Variants in ABCC10 observed in about 807,000 individuals in gnomAD.
ABCC10 encodes the protein ATP-binding cassette sub-family C member 10.
Under a neutral mutation model 143.2 loss-of-function variants are expected in ABCC10, and 110 were observed. That is an observed-to-expected ratio of 0.77 (90% confidence interval 0.66 to 0.90). ABCC10 has a LOEUF of 0.90. ABCC10 is among the 40% of genes least tolerant of loss of function. The pLI, the probability that ABCC10 is intolerant of heterozygous loss-of-function variation, is 0.00. For synonymous variants in ABCC10, 805 were observed against 846.7 expected, an observed-to-expected ratio of 0.95 and a Z score of 0.85; for missense variants, 1,700 against 1,900.5, an observed-to-expected ratio of 0.89 and a Z score of 1.96.
chr6:43,432,469 A>T lies in ABCC10; in HGVS notation c.489A>T (p.Pro163=). The T allele has an allele frequency of 6.2e-7, 1 of 1,611,440 alleles. No homozygotes were observed. The highest frequency in any genetic ancestry group is 8.5e-7 in the Non-Finnish European group (1 of 1,179,930). ...GCCAGCGAGGCACACTTCTGCCCCC[A>T]CTTCTCCCAGGGCCCATGGCCCGCC... ...WHCQRGTLLP[P]LLPGPMARLC... is the part of the protein sequence containing the mutation. Residue 163 remains proline (P), a synonymous_variant, in exon 3 of 22, where the codon CCA becomes CCT. Transcript: ENST00000372530.
rs2127404670 is a variant in ABCC10 at position 43,443,825 on chromosome 6, T to C, written c.2417-108T>C. 1 of 1,165,550 alleles carries C rather than the reference T, an allele frequency of 8.6e-7. No homozygotes were observed. Among genetic ancestry groups the C allele is most frequent in the East Asian group, 2.4e-5 (1 of 42,488 alleles). 72.2% of individuals were successfully genotyped at this position (1,165,550 alleles called of 1,614,324 possible). On this transcript the variant is annotated intron_variant, in intron 10 of 21. Transcript: ENST00000372530. This position sits in a 1 kb window ranked among gnomAD's most constrained non-coding sequence, Gnocchi z 4.2. ...CTAGGGGTATCCTGCTAGGGTGGGTTAGACGGGGAGGCCTGAGAGGATGAG... is the reference window on the plus strand; with the variant it reads ...CTAGGGGTATCCTGCTAGGGTGGGTCAGACGGGGAGGCCTGAGAGGATGAG...
intron 8 of ABCC10, 108 bp downstream of exon 8, chr6:43,438,903 T>C (rs984012655): frequency 2.2e-6 from 3 of 1,361,342 alleles, no homozygotes; most frequent in African/African-American, 2.9e-5. Flanking sequence ...TACTCGGGCA[T>C]CACTTATCTA....
chr6:43,448,115 T>A (rs767374397), intron 18 of ABCC10, 178 bp downstream of exon 18: 2 of 986,070 alleles, frequency 2.0e-6, no homozygotes, highest in Non-Finnish European at 3.1e-6. Flanking sequence ...AGGTCCAGAT[T>A]CATGGCTGGT....
rs199964382 is a variant in ABCC10 at position 43,445,672 on chromosome 6, C to A, written c.3104C>A (p.Ala1035Glu). 304 of 1,614,210 alleles carry A rather than the reference C, an allele frequency of 1.9e-4. 2 individuals are homozygous for A. In the South Asian group the frequency reaches 2.0e-3, roughly 11 times the overall value. The stretch of plus-strand genomic sequence containing the variant: ...CGCTTCTCCTCTGATGTGGCCTGTG[C>A]GGATGACAGCCTGCCCTTCATCCTC... ...LNRFSSDVAC[A>E]DDSLPFILNI... Residue 1035 changes from alanine to glutamate, a missense_variant, in exon 15 of 22, where the codon GCG becomes GAG. By Grantham distance (107) the Ala-to-Glu change is moderately radical. Transcript: ENST00000372530.
At position 43,433,025 on chromosome 6, in the gene ABCC10, T is replaced by C. The variant is rs146848280; in HGVS notation, c.1045T>C (p.Tyr349His). ...VLQNQYGYEVYKVTLQARGAV... is the reference protein window; with the variant it reads ...VLQNQYGYEVHKVTLQARGAV... The stretch of plus-strand genomic sequence containing the variant: ...GCAGAATCAGTATGGGTATGAGGTA[T>C]ATAAGGTAACACTTCAGGCACGGGG... The change falls in exon 3 of 22, where the codon TAT (tyrosine) becomes CAT (histidine). Residue 349 changes from tyrosine (Y) to histidine (H), a missense_variant. Coordinates refer to ENST00000372530, the MANE Select transcript of ABCC10 (RefSeq NM_001198934.2). 1.1e-5 allele frequency: 17 copies of C among 1,613,956 alleles called. No individual in the cohort carries two copies. In the African/African-American group the frequency reaches 2.0e-4, roughly 19 times the overall value.
In ABCC10 at chr6:43,449,107, G is replaced by C; in HGVS notation, c.4106G>C (p.Gly1369Ala). The C allele has an allele frequency of 3.1e-6, 5 of 1,614,168 alleles. No individual in the cohort carries two copies. Among genetic ancestry groups the C allele is most frequent in the Non-Finnish European group, 4.2e-6 (5 of 1,180,000 alleles). ...TGCAACGAAGATGCTTTCCTTGCAG[G>C]TGGTCTGGATGGTGAGCTGGGTGAG... Reference protein sequence around the residue: ...CHLSEVITSMGGLDGELGEGG... With the variant: ...CHLSEVITSMAGLDGELGEGG... The change falls in exon 20 of 22, where the codon GGT becomes GCT. Residue 1369 changes from glycine (G) to alanine (A), a missense_variant and splice_region_variant. Physicochemically the swap from Gly to Ala is moderately conservative, Grantham distance 60. Coordinates refer to ENST00000372530, the MANE Select transcript of ABCC10 (RefSeq NM_001198934.2).
At position 43,445,270 on chromosome 6, in the gene ABCC10, G is replaced by A; in HGVS notation, c.2986G>A (p.Ala996Thr). ...GCTCTTTGCAGCAGGCACCCTTCAA[G>A]CAGCTGCCACTCTGCATCGCCGCCT... is the stretch of plus-strand genomic sequence containing the variant. ...AVLFAAGTLQ[A>T]AATLHRRLLH... The change falls in exon 14 of 22, where the codon GCA becomes ACA. Residue 996 changes from alanine (A) to threonine (T), a missense_variant. Ala to Thr is a moderately conservative substitution (Grantham distance 58). Coordinates refer to ENST00000372530, the MANE Select transcript of ABCC10 (RefSeq NM_001198934.2). 1 of 1,612,902 alleles carries A rather than the reference G, an allele frequency of 6.2e-7. No individual in the cohort carries two copies. The highest frequency in any genetic ancestry group is 8.5e-7 in the Non-Finnish European group (1 of 1,179,680).
At position 43,446,379 on chromosome 6, in the gene ABCC10, G is replaced by T; in HGVS notation, c.3477G>T (p.Gly1159=). Residue 1159 remains glycine (G), a synonymous_variant, in exon 16 of 22, where the codon GGG becomes GGT. Coordinates refer to ENST00000372530, the MANE Select transcript of ABCC10 (RefSeq NM_001198934.2). ...TGGACATTCGGCTACAGCTCATGGG[G>T]GCGGCAGTGGTCAGCGCTATCGCAG... The part of the protein sequence containing the change: ...QWLDIRLQLM[G]AAVVSAIAGI... The T allele has an allele frequency of 6.2e-7, 1 of 1,613,506 alleles. No individual in the cohort carries two copies. The highest frequency in any genetic ancestry group is 8.5e-7 in the Non-Finnish European group (1 of 1,179,942).
At chr6:43,449,575 T>G (rs1217201889) in intron 21 of ABCC10, 41 bp downstream of exon 21, 5 of 1,533,970 alleles carry the variant, frequency 3.3e-6, no homozygotes, top group Non-Finnish European at 4.5e-6. Context: ...GGGACTGTGG[T>G]AGCATGCACC....
chr6:43,432,109 G>A (rs1393374950), intron 2 of ABCC10, 33 bp from the exon 3 acceptor site: 16 of 1,606,594 alleles, frequency 1.0e-5, no homozygotes, highest in African/African-American at 6.7e-5. Flanking sequence ...AGTCAGCCAC[G>A]ATGTGCCTCC....
rs1303276159 is a variant in ABCC10, at chr6:43,433,302, C to G, written c.1322C>G (p.Ala441Gly). ...LLLVPVNKVIATRIMASNQEM... is the reference protein window; with the variant it reads ...LLLVPVNKVIGTRIMASNQEM... ...CTGGTACCCGTCAACAAAGTGATTG[C>G]CACCCGCATCATGGCCAGCAACCAG... Residue 441 changes from alanine to glycine, a missense_variant, in exon 3 of 22, where the codon GCC (alanine) becomes GGC (glycine). Ala to Gly is a moderately conservative substitution (Grantham distance 60). Coordinates refer to ENST00000372530, the MANE Select transcript of ABCC10 (RefSeq NM_001198934.2). The G allele has an allele frequency of 6.2e-7, 1 of 1,614,082 alleles. No homozygotes were observed. Among genetic ancestry groups the G allele is most frequent in the East Asian group, 2.2e-5 (1 of 44,882 alleles).
chr6:43,448,876 C>A lies in ABCC10; in HGVS notation c.3960-5C>A. The A allele has an allele frequency of 6.2e-7, 1 of 1,607,876 alleles. No homozygotes were observed. The highest frequency in any genetic ancestry group is 1.1e-5 in the South Asian group (1 of 90,220). On this transcript the variant is annotated splice_polypyrimidine_tract_variant and splice_region_variant and intron_variant, in intron 18 of 21. Transcript: ENST00000372530. ...ACCACTAGACTCCATGTCATTGTCC[C>A]CCAGATCCCAGTTGGCTATCATCCC...
chr6:43,436,287 C>G (rs770665658), intron 6 of ABCC10, 40 bp downstream of exon 6: 1 of 1,598,136 alleles, frequency 6.3e-7, no homozygotes, highest in East Asian at 2.2e-5. Context: ...CTCAGACTAA[C>G]GAGAGAGATG....
downstream of ABCC10, chr6:43,451,383 C>T: frequency 1.5e-6 from 2 of 1,364,944 alleles, no homozygotes; most frequent in Admixed American, 2.6e-5. This position sits in a 1 kb window ranked among gnomAD's most constrained non-coding sequence, Gnocchi z 4.4. Context: ...GCTACACACT[C>T]CGAGCCTCAA....
intron 2 of ABCC10, among the ~76,000 whole-genome samples, chr6:43,429,758 G>T (rs1780934726): frequency 6.6e-6 from 1 of 152,168 alleles, no homozygotes; most frequent in Non-Finnish European, 1.5e-5. Context: ...GCTCATGCCT[G>T]TAATCCCAGC....
chr6:43,449,441 C>A lies in ABCC10; in HGVS notation c.4223C>A (p.Ala1408Asp). 6.2e-7 allele frequency: 1 copy of A among 1,613,382 alleles called. No homozygotes were observed. Among genetic ancestry groups the A allele is most frequent in the Non-Finnish European group, 8.5e-7 (1 of 1,179,628 alleles). The change falls in exon 21 of 22, where the codon GCC becomes GAC. Residue 1408 changes from alanine to aspartate, a missense_variant. Ala to Asp is a moderately radical substitution (Grantham distance 126). Transcript: ENST00000372530. ...TDAKILCIDE[A>D]TASVDQKTDQ... is the part of the protein sequence containing the mutation. ...TTCCAGATCCTGTGTATCGATGAGG[C>A]CACAGCAAGTGTGGACCAGAAGACA...
chr6:43,446,677 G>A, intron 16 of ABCC10: 1 of 985,230 alleles, frequency 1.0e-6, no homozygotes, highest in Non-Finnish European at 1.2e-6. Context: ...CTGAGCTGCT[G>A]GTCTCAGTCC....
Position 43,444,426 on chromosome 6 carries a change from C to G in ABCC10, c.2689+73C>G, listed in dbSNP as rs1363125921. The G allele has an allele frequency of 2.0e-6, 3 of 1,470,234 alleles. No homozygotes were observed. In the African/African-American group the frequency reaches 4.2e-5, roughly 21 times the overall value. 91.1% of individuals were successfully genotyped at this position (1,470,234 alleles called of 1,614,324 possible). A position where few individuals can be genotyped will look rare whatever the true frequency, so the allele number is the denominator to read the frequency against. ...TAGGTGCCCATTACCTTGCACTAAT[C>G]ATTACAAAGCCCAGAGACTCACCAA... On this transcript the variant is annotated intron_variant, in intron 12 of 21. Coordinates refer to ENST00000372530, the MANE Select transcript of ABCC10 (RefSeq NM_001198934.2).
rs758154128 is a variant in ABCC10 at position 43,427,916 on chromosome 6, G to A, written c.-11-52G>A. On this transcript the variant is annotated intron_variant, in intron 1 of 21. Coordinates refer to ENST00000372530, the MANE Select transcript of ABCC10 (RefSeq NM_001198934.2). ...CAGGGAGACCCGGCTGGGAAGTGCA[G>A]GCAAAGCCGGCTGTTACCCTGCACA... 5 of 1,600,284 alleles carry A rather than the reference G, an allele frequency of 3.1e-6. No individual in the cohort carries two copies. The Admixed American group carries it at 8.4e-5, about 27-fold the overall frequency.
Sources: allele counts gnomAD v4.1 joint callset (sites outside exome capture counted in the v4.1 genomes callset), GRCh38; gene constraint gnomAD v4.1.1; non-coding constraint Gnocchi (gnomAD v3.1); transcripts MANE v1.5; gene names NCBI Gene and HGNC (gene_info 2026-07-23, HGNC 2026-07-21).